Variants in KAZN observed in about 807,000 individuals in gnomAD.
KAZN encodes kazrin.
KAZN carries 40 observed loss-of-function variants against 87.4 expected under a neutral mutation model. That is an observed-to-expected ratio of 0.46 (90% CI 0.36 to 0.60). The LOEUF is 0.60. KAZN is among the 20% of genes least tolerant of loss of function. The pLI, the probability that KAZN is intolerant of heterozygous loss-of-function variation, is 0.00. For synonymous variants in KAZN, 466 were observed against 458.3 expected (o/e 1.02, Z -0.22); for missense variants, 898 against 1,073.9 (o/e 0.84, Z 2.29).
At chr1:14,560,346 G>T (rs1282694557) in intron 2 of KAZN, among the ~76,000 whole-genome samples, 2 of 152,078 alleles carry the variant, frequency 1.3e-5, no homozygotes, top group African/African-American at 4.8e-5. Context: ...AGCTACCTGC[G>T]AGTCAGGTGG....
chr1:14,874,470 CTGGATGGATGGATGGATGGA>C (rs58006026), intron 1 of KAZN, among the ~76,000 whole-genome samples: 6 of 147,976 alleles, frequency 4.1e-5, no homozygotes, highest in African/African-American at 5.0e-5. Context: ...AGCTGGCTGA[CTGGATGGATGGATGGATGGA>C]TGGATGGATG....
chr1:14,167,573 A>G (rs906790966), intron 1 of KAZN, among the ~76,000 whole-genome samples: 1 of 152,152 alleles, frequency 6.6e-6, no homozygotes, highest in African/African-American at 2.4e-5. Context: ...AAATCTAAAC[A>G]TTAGCCAGGC....
chr1:14,120,591 C>A (rs572749801), intron 1 of KAZN, among the ~76,000 whole-genome samples: 14 of 152,158 alleles, frequency 9.2e-5, no homozygotes, highest in Non-Finnish European at 1.9e-4. Flanking sequence ...CCCAGAGGTA[C>A]CTGGTCCAAA....
chr1:14,975,981 G>A (rs1211942207), intron 2 of KAZN, among the ~76,000 whole-genome samples: 1 of 145,238 alleles, frequency 6.9e-6, no homozygotes, highest in Non-Finnish European at 1.5e-5. Context: ...GCAGTGAACC[G>A]AGATCATGCC....
chr1:14,937,589 C>G (rs559898258), intron 1 of KAZN, among the ~76,000 whole-genome samples: 2 of 152,332 alleles, frequency 1.3e-5, no homozygotes, highest in South Asian at 4.1e-4. Flanking sequence ...GTGGGGTTGA[C>G]TGAACACCTT....
At chr1:15,100,064 G>A (rs1415058067) in intron 10 of KAZN, among the ~76,000 whole-genome samples, 1 of 152,146 alleles carries the variant, frequency 6.6e-6, no homozygotes, top group Non-Finnish European at 1.5e-5. Context: ...GCTGAGAGAG[G>A]AAAGAGGAGC....
intron 2 of KAZN, among the ~76,000 whole-genome samples, chr1:14,411,677 G>C (rs1014631054): frequency 6.6e-6 from 1 of 152,108 alleles, no homozygotes; most frequent in Admixed American, 6.6e-5. Context: ...CAGAAAGAAG[G>C]ACTAAAACCC....
chr1:14,935,025 G>A (rs1344223356), intron 1 of KAZN, among the ~76,000 whole-genome samples: 1 of 152,214 alleles, frequency 6.6e-6, no homozygotes, highest in East Asian at 1.9e-4. Context: ...GGAGTTGCTG[G>A]ACTTGCATTT....
rs566660950 is a variant in KAZN, at chr1:13,931,916, C to A, written c.91+38160C>A. 1.4e-4 allele frequency among the ~76,000 whole-genome samples: 22 copies of A among 152,122 alleles called. 1 individual carries two copies. Among genetic ancestry groups the A allele is most frequent in the African/African-American group, 5.1e-4 (21 of 41,508 alleles). On this transcript the variant is annotated intron_variant, in intron 1 of 16. Coordinates refer to the KAZN transcript ENST00000636203. The stretch of plus-strand genomic sequence containing the variant: ...GCAGTGGCACGATCTTGGCTCACTG[C>A]AACCTCTGCCTTCATGGTTCAAGCG...
chr1:14,042,166 C>CT (rs1243348772), intron 1 of KAZN, among the ~76,000 whole-genome samples: 7 of 151,478 alleles, frequency 4.6e-5, no homozygotes, highest in South Asian at 4.2e-4. Context: ...ACCTAATTTT[C>CT]TTTTTTTTTC....
chr1:14,543,150 T>G (rs778391761), intron 2 of KAZN, among the ~76,000 whole-genome samples: 20 of 152,198 alleles, frequency 1.3e-4, no homozygotes, highest in Non-Finnish European at 2.5e-4. Flanking sequence ...CTATATGACC[T>G]GTGTCATAAT....
intron 1 of KAZN, among the ~76,000 whole-genome samples, chr1:13,947,608 A>G (rs72639087): frequency 9.8e-4 from 149 of 152,302 alleles, no homozygotes; most frequent in Non-Finnish European, 1.8e-3. Flanking sequence ...TTAGGGCTGT[A>G]TTAGTCTGCC....
At chr1:14,983,515 C>G (rs1310196351) in intron 2 of KAZN, among the ~76,000 whole-genome samples, 3 of 84,724 alleles carry the variant, frequency 3.5e-5, no homozygotes, top group African/African-American at 1.5e-4. Context: ...TGACGTGACC[C>G]CTGTGGGGGG....
chr1:14,999,517 T>TCCCCCCCCCCCCCCCCCCCCCCC (rs1557701638), intron 2 of KAZN, among the ~76,000 whole-genome samples: 1 of 80,992 alleles, frequency 1.2e-5, no homozygotes, highest in African/African-American at 4.9e-5. Context: ...CGCCCCGCCA[T>TCCCCCCCCCCCCCCCCCCCCCCC]CCAGACCTTG....
At chr1:14,345,884 C>G (rs915940055) in intron 2 of KAZN, among the ~76,000 whole-genome samples, 9 of 152,072 alleles carry the variant, frequency 5.9e-5, no homozygotes, top group African/African-American at 2.2e-4. Context: ...ATGGAAATAA[C>G]ATGAGTGAAA....
intron 2 of KAZN, among the ~76,000 whole-genome samples, chr1:14,263,354 T>G (rs1054022969): frequency 2.0e-5 from 3 of 152,234 alleles, no homozygotes; most frequent in African/African-American, 7.2e-5. Context: ...CAGGGTTGTG[T>G]GTTCCTCATT....
At chr1:14,081,222 G>T (rs1570692330) in intron 1 of KAZN, among the ~76,000 whole-genome samples, 1 of 151,966 alleles carries the variant, frequency 6.6e-6, no homozygotes, top group African/African-American at 2.4e-5. Flanking sequence ...AAATTTAGGT[G>T]TTAATTAAAA....
At chr1:14,203,924 C>T (rs1478158285) in intron 2 of KAZN, among the ~76,000 whole-genome samples, 1 of 152,196 alleles carries the variant, frequency 6.6e-6, no homozygotes, top group Non-Finnish European at 1.5e-5. Context: ...AATGGATGGC[C>T]TCTCCTTAGC....
chr1:15,001,402 G>A (rs1668454597), intron 2 of KAZN, among the ~76,000 whole-genome samples: 1 of 151,644 alleles, frequency 6.6e-6, no homozygotes, highest in Admixed American at 6.6e-5. Flanking sequence ...GGAGGCGGAG[G>A]TTGCAGTGAG....
Sources: gnomAD v4.1 joint callset for allele counts (sites outside exome capture counted in the v4.1 genomes callset) on GRCh38, gnomAD v4.1.1 for gene constraint, MANE v1.5 for transcripts, NCBI Gene and HGNC (gene_info 2026-07-23, HGNC 2026-07-21) for gene names.